AGBL4: variants seen among roughly 807,000 people sequenced by gnomAD.
AGBL4 encodes the protein AGBL carboxypeptidase 4, also known as cytosolic carboxypeptidase 6.
AGBL4 carries 58 observed loss-of-function variants against 66.4 expected under a neutral mutation model. That is an observed-to-expected ratio of 0.87 (90% CI 0.71 to 1.09). The LOEUF is 1.09. Among genes scored for constraint, AGBL4 ranks in the 50% least tolerant of loss-of-function variants. The pLI is 0.00. For missense variants in AGBL4, 579 were observed against 631.0 expected (o/e 0.92, Z 0.88); for synonymous variants, 234 against 222.9 (o/e 1.05, Z -0.44).
At chr1:48,898,404 C>T (rs1041477467) in intron 5 of AGBL4, among the ~76,000 whole-genome samples, 7 of 152,124 alleles carry the variant, frequency 4.6e-5, no homozygotes, top group African/African-American at 1.7e-4. Flanking sequence ...GGAGCACTTC[C>T]CCAGTGTGTT....
At chr1:48,913,292 T>C (rs1449071441) in intron 5 of AGBL4, among the ~76,000 whole-genome samples, 2 of 152,144 alleles carry the variant, frequency 1.3e-5, no homozygotes, top group Admixed American at 6.6e-5. Context: ...AGTGAGTGAT[T>C]GAGTCCTGTT....
At chr1:49,237,030 C>T (rs909178723) in intron 4 of AGBL4, among the ~76,000 whole-genome samples, 2 of 150,878 alleles carry the variant, frequency 1.3e-5, no homozygotes, top group Non-Finnish European at 3.0e-5. Context: ...CCAAGGTGGG[C>T]GGATCATGAG....
intron 1 of AGBL4, among the ~76,000 whole-genome samples, chr1:49,988,781 C>A (rs1344330845): frequency 1.3e-5 from 2 of 152,114 alleles, no homozygotes; most frequent in Non-Finnish European, 1.5e-5. Context: ...AATGTAAATT[C>A]TCTGTAAACT....
At chr1:48,828,322 C>A (rs1159415192) in intron 6 of AGBL4, among the ~76,000 whole-genome samples, 1 of 152,160 alleles carries the variant, frequency 6.6e-6, no homozygotes, top group Non-Finnish European at 1.5e-5. Context: ...GCAGCTGAGT[C>A]TCCTCCATTG....
intron 3 of AGBL4, among the ~76,000 whole-genome samples, chr1:49,459,859 C>G (rs1646472756): frequency 6.6e-6 from 1 of 151,638 alleles, no homozygotes; most frequent in Non-Finnish European, 1.5e-5. Flanking sequence ...TAGGTTGTGT[C>G]ACTATTATCT....
chr1:49,077,508 A>G (rs1207545814), intron 4 of AGBL4, among the ~76,000 whole-genome samples: 1 of 152,180 alleles, frequency 6.6e-6, no homozygotes, highest in Non-Finnish European at 1.5e-5. Flanking sequence ...AAAACTGTGT[A>G]AAGTACCCCA....
chr1:49,675,179 C>A (rs1434081072), intron 3 of AGBL4, among the ~76,000 whole-genome samples: 3 of 152,032 alleles, frequency 2.0e-5, no homozygotes, highest in Admixed American at 2.0e-4. Flanking sequence ...TCATGCAGGC[C>A]ATCCCTAGAA....
chr1:50,012,094 G>A lies in AGBL4; in HGVS notation c.34+11669C>T, dbSNP rs962836451. Among the ~76,000 whole-genome samples, 5 of 151,602 alleles carry A rather than the reference G, an allele frequency of 3.3e-5. No individual in the cohort carries two copies. The South Asian group carries it at 1.0e-3, about 32-fold the overall frequency. On this transcript the variant is annotated intron_variant, in intron 1 of 13. Coordinates refer to ENST00000371839, the MANE Select transcript of AGBL4 (RefSeq NM_032785.4). ...GAATGGCGTGAACCTGGGAAGCGGA[G>A]CTTGCAGTGAGCGGAGATTGCGCCA...
chr1:48,579,496 C>A (rs1478361322), intron 11 of AGBL4, among the ~76,000 whole-genome samples: 2 of 151,728 alleles, frequency 1.3e-5, no homozygotes, highest in African/African-American at 4.8e-5. Flanking sequence ...CCGCCTCAGC[C>A]TCCCAAATTG....
intron 3 of AGBL4, among the ~76,000 whole-genome samples, chr1:49,384,951 A>C (rs1426770305): frequency 1.3e-5 from 2 of 152,210 alleles, no homozygotes; most frequent in African/African-American, 2.4e-5. Flanking sequence ...ATGCACAAGC[A>C]AACTAAATGT....
intron 2 of AGBL4, among the ~76,000 whole-genome samples, chr1:49,741,894 C>T (rs1218762559): frequency 7.2e-5 from 11 of 151,908 alleles, no homozygotes; most frequent in Non-Finnish European, 8.8e-5. Flanking sequence ...ATTGATGGGA[C>T]GTATCTCAAA....
intron 6 of AGBL4, among the ~76,000 whole-genome samples, chr1:48,772,018 A>G (rs1288645619): frequency 1.3e-5 from 2 of 152,134 alleles, no homozygotes; most frequent in Non-Finnish European, 2.9e-5. Context: ...TATCTCCCCT[A>G]TTTCCCTCTC....
intron 5 of AGBL4, among the ~76,000 whole-genome samples, chr1:49,035,478 A>C (rs562712478): frequency 6.6e-6 from 1 of 152,132 alleles, no homozygotes; most frequent in African/African-American, 2.4e-5. Flanking sequence ...TCAGGGTTTT[A>C]TATGTTGACA....
chr1:49,691,158 G>A (rs1336332281), intron 3 of AGBL4: 2 of 152,180 alleles, frequency 1.3e-5, no homozygotes, highest in African/African-American at 4.8e-5. Context: ...TTTTCTAGTA[G>A]TAATCTGTTG....
intron 3 of AGBL4, among the ~76,000 whole-genome samples, chr1:49,371,899 G>A (rs1644354767): frequency 6.7e-6 from 1 of 148,828 alleles, no homozygotes; most frequent in Non-Finnish European, 1.5e-5. Context: ...TAACCCTGAT[G>A]GTGTCTCAGA....
chr1:49,353,382 T>C lies in AGBL4; in HGVS notation c.283-107518A>G, dbSNP rs901347068. Among the ~76,000 whole-genome samples the C allele has an allele frequency of 1.6e-4, 25 of 152,294 alleles. No individual in the cohort carries two copies. In the South Asian group the frequency reaches 3.5e-3, roughly 21 times the overall value. On this transcript the variant is annotated intron_variant, in intron 3 of 13. Transcript: ENST00000371839. ...TTATTAAAGATGACCCATTCCTATA[T>C]TGGGGGTGGCCTCCACTAGAGAGTC... is the stretch of plus-strand genomic sequence containing the variant.
rs182829806 is a variant in AGBL4 at position 49,933,903 on chromosome 1, C to T, written c.35-82385G>A. Among the ~76,000 whole-genome samples the T allele has an allele frequency of 1.0e-3, 152 of 152,100 alleles. 1 individual carries two copies. The Middle Eastern group carries it at 0.01, about 10-fold the overall frequency. On this transcript the variant is annotated intron_variant, in intron 1 of 13. Transcript: ENST00000371839. The stretch of plus-strand genomic sequence containing the variant: ...GGACACAATTAAAATAGTAATAATC[C>T]ATCTCTGTTAATAATTACTTTAACA...
At chr1:49,853,524 T>C (rs1571719065) in intron 1 of AGBL4, among the ~76,000 whole-genome samples, 1 of 152,038 alleles carries the variant, frequency 6.6e-6, no homozygotes. Context: ...ATCTAAAATA[T>C]ATGTATAATT....
rs531885321 is a variant in AGBL4, at chr1:48,693,716, G to A, written c.635-30475C>T. Among the ~76,000 whole-genome samples the A allele has an allele frequency of 6.6e-5, 10 of 152,170 alleles. No homozygotes were observed. The South Asian group carries it at 1.5e-3, about 22-fold the overall frequency. On this transcript the variant is annotated intron_variant, in intron 6 of 13. Transcript: ENST00000371839. ...ACAAGCCTGGTGACATCCATTTCTCGGTCACTTCACAGAACAGCCGTGGAC... is the reference window on the plus strand; with the variant it reads ...ACAAGCCTGGTGACATCCATTTCTCAGTCACTTCACAGAACAGCCGTGGAC...
Sources: allele counts gnomAD v4.1 joint callset (sites outside exome capture counted in the v4.1 genomes callset), GRCh38; gene constraint gnomAD v4.1.1; transcripts MANE v1.5; gene names NCBI Gene and HGNC (gene_info 2026-07-23, HGNC 2026-07-21).